CACNA1D: variants seen among roughly 807,000 people sequenced by gnomAD.
CACNA1D encodes voltage-dependent L-type calcium channel subunit alpha-1D.
CACNA1D carries 55 observed loss-of-function variants against 257.1 expected under a neutral mutation model. The observed-to-expected ratio is 0.21, with a 90% CI of 0.17 to 0.27. The LOEUF is 0.27. Ranked by LOEUF, CACNA1D falls within the 10% of genes least tolerant of loss-of-function variation. CACNA1D has a pLI of 1.00. For missense variants in CACNA1D, 1,876 were observed against 2,784.0 expected, an observed-to-expected ratio of 0.67 and a Z score of 7.34; for synonymous variants, 980 against 1,014.9, an observed-to-expected ratio of 0.97 and a Z score of 0.65.
In CACNA1D at chr3:53,497,185, T is replaced by C. The variant is rs1431557212; in HGVS notation, c.101T>C (p.Leu34Pro). 1.2e-6 allele frequency: 2 copies of C among 1,614,144 alleles called. No homozygotes were observed. The highest frequency in any genetic ancestry group is 1.7e-5 in the Admixed American group (1 of 60,022). Residue 34 changes from leucine to proline, a missense_variant, in exon 2 of 48, where the codon CTT becomes CCT. By Grantham distance (98) the Leu-to-Pro change is moderately conservative (BLOSUM62 -3). Transcript: ENST00000350061. ...TATGCAAGAGGCACCAGACTTCCTC[T>C]TTCTGGTGAAGGACCAACTTCTCAG... ...ANYARGTRLPLSGEGPTSQPN... is the reference protein window; with the variant it reads ...ANYARGTRLPPSGEGPTSQPN...
At position 53,568,661 on chromosome 3, in the gene CACNA1D, A is replaced by T. The variant is rs1448889087; in HGVS notation, c.483+66941A>T. On this transcript the variant is annotated intron_variant, in intron 3 of 47. Transcript: ENST00000350061. ...GTTCTCCTGCCTCTCTCCTGCTGTC[A>T]GCTTTTTCTTCTAGACTGGATCTTC... Among the ~76,000 whole-genome samples, 3 of 152,184 alleles carry T rather than the reference A, an allele frequency of 2.0e-5. No homozygotes were observed. The East Asian group carries it at 5.8e-4, about 29-fold the overall frequency.
intron 9 of CACNA1D, among the ~76,000 whole-genome samples, chr3:53,715,037 A>G (rs191264751): frequency 6.6e-6 from 1 of 152,256 alleles, no homozygotes; most frequent in Non-Finnish European, 1.5e-5. Context: ...ATTTTTGGAA[A>G]AGGATAAGTG....
At position 53,702,771 on chromosome 3, in the gene CACNA1D, G is replaced by C. The variant is rs200910800; in HGVS notation, c.1351G>C (p.Glu451Gln). 2.7e-4 allele frequency: 430 copies of C among 1,614,270 alleles called. No individual in the cohort carries two copies. Among genetic ancestry groups the C allele is most frequent in the Non-Finnish European group, 3.5e-4 (412 of 1,180,034 alleles). ...WITQAEDIDP[E>Q]NEEEGGEEGK... is the part of the protein sequence containing the mutation. ...CACCCAAGCTGAGGACATCGATCCG[G>C]AGAATGAGGAAGAAGGAGGAGAGGA... The change falls in exon 9 of 48, where the codon GAG becomes CAG. Residue 451 changes from glutamate (E) to glutamine (Q), a missense_variant. Physicochemically the swap from Glu to Gln is conservative, Grantham distance 29 (BLOSUM62 2). Around this residue, in one of 10 missense-constraint regions of CACNA1D, gnomAD observed 257 missense variants for 399.7 expected, o/e 0.64. Transcript: ENST00000350061.
At chr3:53,689,611 G>C (rs1225476072) in intron 8 of CACNA1D, among the ~76,000 whole-genome samples, 3 of 152,116 alleles carry the variant, frequency 2.0e-5, no homozygotes, top group African/African-American at 7.2e-5. Flanking sequence ...TGATTGTCAA[G>C]TCTGGGGATG....
intron 8 of CACNA1D, among the ~76,000 whole-genome samples, chr3:53,675,816 A>G (rs2094370126): frequency 6.6e-6 from 1 of 152,210 alleles, no homozygotes; most frequent in Admixed American, 6.5e-5. Context: ...GAGACTGGAA[A>G]TGACACATGA....
intron 5 of CACNA1D, among the ~76,000 whole-genome samples, chr3:53,660,772 A>C (rs770659836): frequency 7.9e-5 from 12 of 152,008 alleles, no homozygotes; most frequent in Non-Finnish European, 1.5e-4. Context: ...TGTGCTACCC[A>C]GCTCTGGGGG....
intron 3 of CACNA1D, among the ~76,000 whole-genome samples, chr3:53,508,055 C>T (rs761424792): frequency 1.3e-5 from 2 of 152,288 alleles, no homozygotes; most frequent in Middle Eastern, 3.4e-3. Flanking sequence ...TCTGACTGAC[C>T]TCTAGTAGGT....
chr3:53,799,157 C>T (rs992963632), intron 40 of CACNA1D, among the ~76,000 whole-genome samples: 15 of 152,170 alleles, frequency 9.9e-5, no homozygotes, highest in Admixed American at 2.6e-4. Context: ...GATACAGGAC[C>T]GTAGACCCAG....
chr3:53,584,432 T>G, intron 3 of CACNA1D, among the ~76,000 whole-genome samples: 1 of 152,204 alleles, frequency 6.6e-6, no homozygotes, highest in Non-Finnish European at 1.5e-5. Context: ...TTTTATTTAT[T>G]TTATCTAAAA....
At chr3:53,808,826 C>G in intron 46 of CACNA1D, 56 bp downstream of exon 46, 1 of 1,581,388 alleles carries the variant, frequency 6.3e-7, no homozygotes, top group South Asian at 1.1e-5. Context: ...CATAGGACCC[C>G]CATCAGGTCA....
intron 1 of CACNA1D, among the ~76,000 whole-genome samples, chr3:53,496,072 C>T (rs2090332254): frequency 6.6e-6 from 1 of 152,254 alleles, no homozygotes; most frequent in Admixed American, 6.5e-5. Context: ...TTGCCCGCCG[C>T]TCGCCCGCTT....
At chr3:53,680,551 C>G (rs1313459522) in intron 8 of CACNA1D, among the ~76,000 whole-genome samples, 3 of 152,178 alleles carry the variant, frequency 2.0e-5, no homozygotes, top group Admixed American at 2.0e-4. Flanking sequence ...ATTAGTGTTG[C>G]AGGGGAGGCT....
At chr3:53,806,285 C>G (rs2095565914) in intron 45 of CACNA1D, among the ~76,000 whole-genome samples, 1 of 151,036 alleles carries the variant, frequency 6.6e-6, no homozygotes, top group Non-Finnish European at 1.5e-5. Context: ...ATCTTCCTGT[C>G]AAGTCTGTCA....
At chr3:53,776,763 G>A (rs2095400002) in intron 36 of CACNA1D, 33 bp downstream of exon 36, 1 of 1,614,176 alleles carries the variant, frequency 6.2e-7, no homozygotes, top group Non-Finnish European at 8.5e-7. Flanking sequence ...TGGCGTGTGT[G>A]GGTGGATTTT....
chr3:53,764,687 C>A (rs2095322919), intron 30 of CACNA1D, among the ~76,000 whole-genome samples: 1 of 152,356 alleles, frequency 6.6e-6, no homozygotes, highest in East Asian at 1.9e-4. Context: ...GCCCCTGTCC[C>A]CTGTGGCCCA....
At chr3:53,643,528 T>C (rs2093985813) in intron 3 of CACNA1D, among the ~76,000 whole-genome samples, 1 of 152,126 alleles carries the variant, frequency 6.6e-6, no homozygotes, top group African/African-American at 2.4e-5. Context: ...CTGCTCTCGG[T>C]TCTTGCTGTT....
intron 3 of CACNA1D, among the ~76,000 whole-genome samples, chr3:53,621,959 T>A (rs2108043484): frequency 6.6e-6 from 1 of 152,140 alleles, no homozygotes; most frequent in African/African-American, 2.4e-5. Context: ...CTAATAAAAC[T>A]AATGTTGGTG....
chr3:53,646,507 C>T (rs1332876385), intron 3 of CACNA1D, among the ~76,000 whole-genome samples: 1 of 152,102 alleles, frequency 6.6e-6, no homozygotes, highest in Non-Finnish European at 1.5e-5. Flanking sequence ...TTTCTAGTAG[C>T]ACCTATGAGT....
chr3:53,633,126 G>C lies in CACNA1D; in HGVS notation c.484-17653G>C, dbSNP rs189068514. Among the ~76,000 whole-genome samples, 14 of 152,344 alleles carry C rather than the reference G, an allele frequency of 9.2e-5. No homozygotes were observed. The East Asian group carries it at 2.7e-3, about 29-fold the overall frequency. ...ATATTCCTGTATAATAATAACTATTGTGTGCATACTATGTGCTGACCATTG... is the reference window on the plus strand; with the variant it reads ...ATATTCCTGTATAATAATAACTATTCTGTGCATACTATGTGCTGACCATTG... On this transcript the variant is annotated intron_variant, in intron 3 of 47. Transcript: ENST00000350061.
Sources: allele counts gnomAD v4.1 joint callset (sites outside exome capture counted in the v4.1 genomes callset), GRCh38; gene constraint gnomAD v4.1.1; regional missense constraint gnomAD v4.1.1; transcripts MANE v1.5; gene names NCBI Gene and HGNC (gene_info 2026-07-23, HGNC 2026-07-21).